LMO7: variants seen among roughly 807,000 people sequenced by gnomAD.
LMO7 encodes the protein LIM domain 7, also known as LIM domain only protein 7.
A neutral mutation model predicts 206.5 loss-of-function variants in LMO7; 120 were observed. The observed-to-expected ratio is 0.58, with a 90% CI of 0.50 to 0.68. The LOEUF is 0.68. Ranked by LOEUF, LMO7 falls within the 30% of genes least tolerant of loss-of-function variation. The pLI is 0.00. For missense variants in LMO7, 1,959 were observed against 1,957.9 expected (o/e 1.00, Z -0.01); for synonymous variants, 706 against 681.5 (o/e 1.04, Z -0.56).
At chr13:75,636,173 C>T, upstream of LMO7, 1 of 422,728 alleles carries the variant, frequency 2.4e-6, no homozygotes, top group Non-Finnish European at 3.2e-6. Flanking sequence ...CCGGGCCAGA[C>T]AGTCTGACCA....
intron 12 of LMO7, among the ~76,000 whole-genome samples, chr13:75,819,042 C>G (rs935828827): frequency 7.9e-5 from 12 of 152,324 alleles, no homozygotes; most frequent in Admixed American, 3.9e-4. Flanking sequence ...TTTCGCAGAA[C>G]AGCCAGGTTT....
chr13:75,782,890 C>G (rs1445855527), intron 4 of LMO7, among the ~76,000 whole-genome samples: 3 of 152,222 alleles, frequency 2.0e-5, no homozygotes, highest in African/African-American at 7.2e-5. Flanking sequence ...GTCTCCCCAT[C>G]TGAAGATCTT....
At chr13:75,804,800 A>C in intron 8 of LMO7, 2 of 1,140,686 alleles carry the variant, frequency 1.8e-6, no homozygotes, top group Non-Finnish European at 1.1e-6. Flanking sequence ...TCAGCTTACC[A>C]GATAATTTGT....
At chr13:75,650,585 CCTGTGTATTGCA>C (rs1484149918) in intron 1 of LMO7, among the ~76,000 whole-genome samples, 1 of 152,170 alleles carries the variant, frequency 6.6e-6, no homozygotes, top group African/African-American at 2.4e-5. Context: ...AAAAAAATTT[CCTGTGTATTGCA>C]CTGTCGAAAA....
chr13:75,780,118 T>G (rs899583345), intron 4 of LMO7, among the ~76,000 whole-genome samples: 1 of 152,090 alleles, frequency 6.6e-6, no homozygotes, highest in Non-Finnish European at 1.5e-5. Flanking sequence ...AAGGCCAGGG[T>G]GAAATTAGAA....
chr13:75,835,941 A>G (rs1263851032), intron 18 of LMO7, among the ~76,000 whole-genome samples: 5 of 152,150 alleles, frequency 3.3e-5, no homozygotes, highest in African/African-American at 1.2e-4. Flanking sequence ...TAAATTAATA[A>G]TTAAATTTAA....
At chr13:75,773,632 G>T (rs1050804034) in intron 4 of LMO7, among the ~76,000 whole-genome samples, 9 of 152,304 alleles carry the variant, frequency 5.9e-5, no homozygotes, top group Middle Eastern at 3.4e-3. Flanking sequence ...AAGAGTTAGC[G>T]TTTGAGCTGT....
At chr13:75,626,595 A>ATATATATATATTTTTTTTTTTTTT in intron 2 of LMO7, among the ~76,000 whole-genome samples, 5 of 71,178 alleles carry the variant, frequency 7.0e-5, no homozygotes, top group East Asian at 1.2e-3. Flanking sequence ...ATATATATAA[A>ATATATATATATTTTTTTTTTTTTT]TTTTTTTGAG....
intron 3 of LMO7, among the ~76,000 whole-genome samples, chr13:75,745,814 G>A (rs2046791961): frequency 6.6e-6 from 1 of 152,180 alleles, no homozygotes; most frequent in Non-Finnish European, 1.5e-5. Flanking sequence ...TATAGAGCCT[G>A]CTGCTTTCCA....
chr13:75,779,948 A>G (rs1212453559), intron 4 of LMO7, among the ~76,000 whole-genome samples: 5 of 152,182 alleles, frequency 3.3e-5, no homozygotes, highest in African/African-American at 1.2e-4. Context: ...GAGACATCAC[A>G]TGTTGGCAGG....
At chr13:75,655,689 A>G (rs1187653669) in intron 1 of LMO7, among the ~76,000 whole-genome samples, 1 of 102,358 alleles carries the variant, frequency 9.8e-6, no homozygotes, top group African/African-American at 3.5e-5. Flanking sequence ...ATATATATAT[A>G]TTTGTTTTAA....
chr13:75,685,376 T>C (rs1201521769), intron 1 of LMO7, among the ~76,000 whole-genome samples: 8 of 152,190 alleles, frequency 5.3e-5, no homozygotes, highest in African/African-American at 1.9e-4. Context: ...CTCATGTTTG[T>C]GTGAAGTGGA....
chr13:75,839,914 C>A (rs2139180339), intron 20 of LMO7, 171 bp from the exon 21 acceptor site: 1 of 571,576 alleles, frequency 1.7e-6, no homozygotes, highest in Non-Finnish European at 3.1e-6. Context: ...ACAGATGGAA[C>A]TGTTACACCT....
chr13:75,719,928 A>G (rs2043877765), intron 2 of LMO7, among the ~76,000 whole-genome samples: 1 of 152,192 alleles, frequency 6.6e-6, no homozygotes, highest in Admixed American at 6.5e-5. Context: ...ACTCTTTCAA[A>G]ATGTCTGTAC....
At chr13:75,788,161 C>T (rs185792354) in intron 4 of LMO7, among the ~76,000 whole-genome samples, 4 of 152,090 alleles carry the variant, frequency 2.6e-5, no homozygotes, top group Admixed American at 6.5e-5. Flanking sequence ...TAAAATTTCA[C>T]TTAGTACATT....
intron 3 of LMO7, among the ~76,000 whole-genome samples, chr13:75,733,126 G>A (rs575417178): frequency 3.5e-4 from 53 of 152,186 alleles, no homozygotes; most frequent in Non-Finnish European, 7.1e-4. Flanking sequence ...CTCCAGCTGC[G>A]TGCTGGGAGA....
chr13:75,633,866 T>A (rs1267618621), upstream of LMO7, among the ~76,000 whole-genome samples: 2 of 83,904 alleles, frequency 2.4e-5, no homozygotes, highest in South Asian at 4.3e-4. Flanking sequence ...TTTTTTTTTT[T>A]GAGACGGAGT....
chr13:75,761,280 G>A (rs979910797), intron 4 of LMO7, among the ~76,000 whole-genome samples: 1 of 152,060 alleles, frequency 6.6e-6, no homozygotes, highest in African/African-American at 2.4e-5. Flanking sequence ...GACAAAAATG[G>A]TAGTGTTAAT....
chr13:75,717,060 TCA>T (rs964522914), intron 2 of LMO7, among the ~76,000 whole-genome samples: 5 of 151,934 alleles, frequency 3.3e-5, no homozygotes, highest in African/African-American at 1.2e-4. Context: ...AACACATGAC[TCA>T]CAGTAAGAAC....
Sources: allele counts gnomAD v4.1 joint callset (sites outside exome capture counted in the v4.1 genomes callset), GRCh38; gene constraint gnomAD v4.1.1; transcripts MANE v1.5; gene names NCBI Gene and HGNC (gene_info 2026-07-23, HGNC 2026-07-21).